SMYD3: variants seen among roughly 807,000 people sequenced by gnomAD.
SMYD3 encodes the protein histone-lysine N-methyltransferase SMYD3.
In SMYD3, 36 loss-of-function variants were observed where a neutral mutation model predicts 57.7. The observed-to-expected ratio is 0.62, with a 90% CI of 0.48 to 0.82. SMYD3 has a LOEUF of 0.82. SMYD3 is among the 40% of genes least tolerant of loss of function. The probability of loss-of-function intolerance (pLI) is 0.00; values close to 1 mark genes in which losing one functional copy is unlikely to be tolerated. For missense variants in SMYD3, 515 were observed against 538.8 expected, an observed-to-expected ratio of 0.96 and a Z score of 0.44; for synonymous variants, 211 against 195.0, an observed-to-expected ratio of 1.08 and a Z score of -0.68.
chr1:246,158,116 C>T (rs1203356905), intron 5 of SMYD3, among the ~76,000 whole-genome samples: 1 of 152,194 alleles, frequency 6.6e-6, no homozygotes, highest in African/African-American at 2.4e-5. Flanking sequence ...CTGCACTGAT[C>T]CACAGTCGAG....
At chr1:245,756,517 T>C (rs1486688614) in intron 11 of SMYD3, among the ~76,000 whole-genome samples, 2 of 152,148 alleles carry the variant, frequency 1.3e-5, no homozygotes, top group African/African-American at 4.8e-5. Context: ...AGAACTTCTT[T>C]AGCCATTCTT....
intron 1 of SMYD3, among the ~76,000 whole-genome samples, chr1:246,502,505 C>A (rs2068472423): frequency 6.6e-6 from 1 of 152,084 alleles, no homozygotes; most frequent in South Asian, 2.1e-4. Flanking sequence ...ATCTAATATT[C>A]CTCATGAATA....
intron 5 of SMYD3, among the ~76,000 whole-genome samples, chr1:246,242,238 A>C (rs2063625294): frequency 6.6e-6 from 1 of 152,084 alleles, no homozygotes; most frequent in Admixed American, 6.5e-5. Context: ...AATGCTCTAA[A>C]TTTCCCTCTA....
chr1:246,495,345 T>A, intron 1 of SMYD3, among the ~76,000 whole-genome samples: 1 of 60,396 alleles, frequency 1.7e-5, no homozygotes, highest in African/African-American at 1.1e-4. Flanking sequence ...CAAGACTCCG[T>A]CTCAAAAAAA....
Position 246,119,261 on chromosome 1 carries a change from G to C in SMYD3, c.532-189324C>G, listed in dbSNP as rs559343731. On this transcript the variant is annotated intron_variant, in intron 5 of 11. Coordinates refer to ENST00000490107, the MANE Select transcript of SMYD3 (RefSeq NM_001167740.2). ...TATCCTTCCACCTTGGCCTCCTAAA[G>C]TGCTGGGATTACAGGCATGAGCCAT... Among the ~76,000 whole-genome samples the C allele has an allele frequency of 2.8e-4, 43 of 152,066 alleles. No individual in the cohort carries two copies. The South Asian group carries it at 8.5e-3, about 30-fold the overall frequency.
At chr1:246,248,790 C>T (rs1351196989) in intron 5 of SMYD3, among the ~76,000 whole-genome samples, 27 of 148,088 alleles carry the variant, frequency 1.8e-4, no homozygotes, top group South Asian at 1.3e-3. Context: ...CACAGGCGCC[C>T]GCCACCATGC....
rs180777069 is a variant in SMYD3 at position 246,275,410 on chromosome 1, T to C, written c.531+51791A>G. On this transcript the variant is annotated intron_variant, in intron 5 of 11. Transcript: ENST00000490107. ...ACACTGGCAAGTTATTTAATGTTTC[T>C]AGTGGAGTCTGATGCCCATGTTTGA... 4.9e-3 allele frequency among the ~76,000 whole-genome samples: 539 copies of C among 109,204 alleles called. 6 individuals carry two copies. The highest frequency in any genetic ancestry group is 0.015 in the African/African-American group (507 of 32,952). 71.6% of individuals were successfully genotyped at this position (109,204 alleles called of 152,430 possible).
intron 8 of SMYD3, among the ~76,000 whole-genome samples, chr1:245,871,715 C>A (rs991037602): frequency 6.6e-6 from 1 of 152,144 alleles, no homozygotes; most frequent in African/African-American, 2.4e-5. Context: ...CTTCCAGAGG[C>A]CCAATTTCTT....
At chr1:246,058,695 T>G (rs1344533123) in intron 5 of SMYD3, among the ~76,000 whole-genome samples, 5 of 152,202 alleles carry the variant, frequency 3.3e-5, no homozygotes, top group African/African-American at 1.2e-4. Context: ...TACAACATTT[T>G]GCTGTTCTAC....
chr1:246,234,487 G>A (rs1026274402), intron 5 of SMYD3, among the ~76,000 whole-genome samples: 7 of 107,240 alleles, frequency 6.5e-5, no homozygotes, highest in African/African-American at 2.7e-4. Flanking sequence ...ACTATATACT[G>A]TACAGAGAAG....
chr1:246,095,245 T>G (rs1191539093), intron 5 of SMYD3, among the ~76,000 whole-genome samples: 1 of 152,084 alleles, frequency 6.6e-6, no homozygotes, highest in East Asian at 1.9e-4. Context: ...GAAACAGGAG[T>G]TAAGACTGTC....
At chr1:245,837,742 C>A (rs2050174961) in intron 10 of SMYD3, among the ~76,000 whole-genome samples, 1 of 152,106 alleles carries the variant, frequency 6.6e-6, no homozygotes, top group Non-Finnish European at 1.5e-5. Context: ...TAGTCCACCC[C>A]CGGGGAATTC....
intron 1 of SMYD3, among the ~76,000 whole-genome samples, chr1:246,376,723 T>C (rs1041216856): frequency 1.3e-5 from 2 of 152,116 alleles, no homozygotes; most frequent in African/African-American, 4.8e-5. Flanking sequence ...TAAAAATTAC[T>C]GAAGGATCTT....
chr1:246,196,637 A>C (rs538037227), intron 5 of SMYD3, among the ~76,000 whole-genome samples: 9 of 152,334 alleles, frequency 5.9e-5, no homozygotes, highest in Non-Finnish European at 8.8e-5. Flanking sequence ...ACTACAATAC[A>C]ACATTCTTTC....
At chr1:245,834,471 CCTA>C (rs1410215933) in intron 10 of SMYD3, among the ~76,000 whole-genome samples, 8 of 152,202 alleles carry the variant, frequency 5.3e-5, no homozygotes, top group Non-Finnish European at 1.2e-4. Context: ...ACCCCAGCCC[CCTA>C]CTAACCTTTG....
intron 5 of SMYD3, among the ~76,000 whole-genome samples, chr1:246,220,651 C>T (rs989852533): frequency 2.0e-5 from 3 of 152,146 alleles, no homozygotes; most frequent in Non-Finnish European, 2.9e-5. Context: ...GGTTCCTGGG[C>T]GGATGGGGCC....
intron 5 of SMYD3, among the ~76,000 whole-genome samples, chr1:246,131,414 A>C (rs1205343949): frequency 6.6e-6 from 1 of 152,214 alleles, no homozygotes; most frequent in East Asian, 1.9e-4. Context: ...ATGTTGAGTC[A>C]AAGACAGGAC....
intron 10 of SMYD3, among the ~76,000 whole-genome samples, chr1:245,854,481 A>G (rs1372654436): frequency 2.6e-5 from 4 of 152,194 alleles, no homozygotes; most frequent in Non-Finnish European, 5.9e-5. Flanking sequence ...ATGAAATACT[A>G]TGTATCTGTT....
At chr1:246,418,562 A>G (rs747429341) in intron 1 of SMYD3, among the ~76,000 whole-genome samples, 1 of 152,206 alleles carries the variant, frequency 6.6e-6, no homozygotes, top group Non-Finnish European at 1.5e-5. Flanking sequence ...AGGGATTTCT[A>G]TATCCTGGGG....
Sources: allele counts gnomAD v4.1 joint callset (sites outside exome capture counted in the v4.1 genomes callset), GRCh38; gene constraint gnomAD v4.1.1; transcripts MANE v1.5; gene names NCBI Gene and HGNC (gene_info 2026-07-23, HGNC 2026-07-21).